PSMD11: variants seen among roughly 807,000 people sequenced by gnomAD.
PSMD11 encodes the protein proteasome 26S subunit, non-ATPase 11.
Under a neutral mutation model 62.3 loss-of-function variants are expected in PSMD11, and 5 were observed. That is an observed-to-expected ratio of 0.08 (90% CI 0.04 to 0.17). The LOEUF (loss-of-function observed/expected upper bound fraction) is 0.17, where lower values mean the gene tolerates loss of function less well. PSMD11 is among the 10% of genes least tolerant of loss of function. The pLI is 1.00. For missense variants in PSMD11, 310 were observed against 512.9 expected, an observed-to-expected ratio of 0.60 and a Z score of 3.82; for synonymous variants, 191 against 191.8, an observed-to-expected ratio of 1.00 and a Z score of 0.03.
intron 12 of PSMD11, 25 bp from the exon 13 acceptor site, chr17:32,480,464 T>C (rs1567859780): frequency 2.5e-6 from 4 of 1,613,956 alleles, no homozygotes; most frequent in Non-Finnish European, 2.5e-6. Flanking sequence ...ATCTTTTACC[T>C]GGGTTGCCCT....
At chr17:32,463,587 T>G (rs1907907124) in intron 3 of PSMD11, 1 of 159,576 alleles carries the variant, frequency 6.3e-6, no homozygotes, top group Admixed American at 5.9e-5. Context: ...AAAAGCCAGC[T>G]GGACCTTTTG....
intron 4 of PSMD11, 82 bp downstream of exon 4, chr17:32,464,202 G>A (rs747722268): frequency 8.2e-5 from 106 of 1,298,470 alleles, no homozygotes; most frequent in Admixed American, 5.7e-4. Flanking sequence ...CTTATCAAAA[G>A]TATCTTCAGC....
intron 5 of PSMD11, among the ~76,000 whole-genome samples, chr17:32,466,583 T>C (rs546220430): frequency 1.3e-5 from 2 of 152,344 alleles, no homozygotes; most frequent in South Asian, 4.1e-4. Flanking sequence ...TGGACACTTG[T>C]GTTGTTTCTA....
intron 5 of PSMD11, among the ~76,000 whole-genome samples, chr17:32,466,157 G>A (rs959533792): frequency 1.2e-4 from 18 of 152,120 alleles, no homozygotes; most frequent in Non-Finnish European, 2.6e-4. Context: ...CACCATGCCT[G>A]GCTAATTTTT....
chr17:32,474,254 T>A (rs1248654734), intron 7 of PSMD11, among the ~76,000 whole-genome samples: 1 of 152,152 alleles, frequency 6.6e-6, no homozygotes. Context: ...GGAAATAGCT[T>A]ACAGATCAGC....
intron 5 of PSMD11, among the ~76,000 whole-genome samples, chr17:32,468,177 T>C (rs755336703): frequency 2.6e-5 from 4 of 152,206 alleles, no homozygotes; most frequent in African/African-American, 4.8e-5. Flanking sequence ...TATATGTACA[T>C]TTTCTTTATT....
chr17:32,454,484 C>G lies in PSMD11; in HGVS notation c.194-11C>G, dbSNP rs1185545669. On this transcript the variant is annotated splice_polypyrimidine_tract_variant and intron_variant, in intron 2 of 13. Coordinates refer to ENST00000261712, the MANE Select transcript of PSMD11 (RefSeq NM_002815.4). ...ATGTTTACTCCTCTTTTTGAATTGC[C>G]TTTCCTACAGAGCTTGGAGGACTCC... is the stretch of plus-strand genomic sequence containing the variant. 6 of 1,608,692 alleles carry G rather than the reference C, an allele frequency of 3.7e-6. No individual in the cohort carries two copies. In the African/African-American group the frequency reaches 5.4e-5, roughly 14 times the overall value.
intron 5 of PSMD11, among the ~76,000 whole-genome samples, chr17:32,465,189 C>T (rs1353502613): frequency 1.3e-5 from 2 of 151,882 alleles, no homozygotes; most frequent in Admixed American, 1.3e-4. Context: ...AGTGTGATCT[C>T]AGCTCGCTGC....
chr17:32,475,260 A>G (rs1384568146), intron 8 of PSMD11, among the ~76,000 whole-genome samples: 1 of 151,376 alleles, frequency 6.6e-6, no homozygotes, highest in Non-Finnish European at 1.5e-5. Context: ...TTTGAGATTT[A>G]CTTCTGTGCT....
chr17:32,470,189 G>A (rs868595397), intron 6 of PSMD11, among the ~76,000 whole-genome samples: 6 of 151,824 alleles, frequency 4.0e-5, no homozygotes, highest in South Asian at 2.1e-4. Flanking sequence ...ACTTTTTGTA[G>A]AGATAGGGTT....
At position 32,481,916 on chromosome 17, in the gene PSMD11, A is replaced by C. The variant is rs1300290229; in HGVS notation, c.*1164A>C. The C allele has an allele frequency of 6.6e-6, 1 of 152,092 alleles. No homozygotes were observed. The highest frequency in any genetic ancestry group is 6.5e-5 in the Admixed American group (1 of 15,272). 9.4% of individuals were successfully genotyped at this position (152,092 alleles called of 1,614,324 possible). A position where few individuals can be genotyped will look rare whatever the true frequency, so the allele number is the denominator to read the frequency against. ...AACTCAAGTGGATGGGAAGTAGAGC[A>C]CTATGTGTCAGTATGCTTTGTTTTC... On this transcript the variant is annotated 3_prime_UTR_variant, in exon 14 of 14. Coordinates refer to ENST00000261712, the MANE Select transcript of PSMD11 (RefSeq NM_002815.4).
chr17:32,477,318 C>G (rs1033028134), intron 8 of PSMD11: 1 of 416,842 alleles, frequency 2.4e-6, no homozygotes, highest in Non-Finnish European at 4.2e-6. Flanking sequence ...TAAGTCATTT[C>G]AGGTTTCAAA....
rs1012591894 is a variant in PSMD11 at position 32,465,114 on chromosome 17, T to TTTA, written c.448+554_448+556dup. ...TTTTTTTAATCTATCTATCTATCTA[T>TTTA]TTATTATTATTATTATTATTTTTTG... On this transcript the variant is annotated intron_variant, in intron 5 of 13. Transcript: ENST00000261712. Among the ~76,000 whole-genome samples the TTTA allele has an allele frequency of 2.5e-3, 371 of 151,384 alleles. 1 individual carries two copies. The highest frequency in any genetic ancestry group is 7.5e-3 in the African/African-American group (311 of 41,306).
At chr17:32,449,596 A>G (rs1287987400) in intron 2 of PSMD11, among the ~76,000 whole-genome samples, 1 of 152,160 alleles carries the variant, frequency 6.6e-6, no homozygotes, top group African/African-American at 2.4e-5. Context: ...GTGACCTGAG[A>G]AGTTTAGAAG....
intron 2 of PSMD11, among the ~76,000 whole-genome samples, chr17:32,449,198 A>C (rs1907419527): frequency 6.6e-6 from 1 of 152,156 alleles, no homozygotes; most frequent in African/African-American, 2.4e-5. Context: ...TGAGCCCAGG[A>C]ATTTGAGACC....
At chr17:32,475,823 C>A (rs1332046321) in intron 8 of PSMD11, among the ~76,000 whole-genome samples, 1 of 151,526 alleles carries the variant, frequency 6.6e-6, no homozygotes. Context: ...AAACTCCTAA[C>A]CTCAAGTGAT....
At chr17:32,453,211 C>G (rs1386029280) in intron 2 of PSMD11, among the ~76,000 whole-genome samples, 2 of 152,040 alleles carry the variant, frequency 1.3e-5, no homozygotes, top group Non-Finnish European at 2.9e-5. Flanking sequence ...GAAATAAATG[C>G]AAAAGGAATT....
At chr17:32,454,975 T>G (rs1907608502) in intron 3 of PSMD11, 1 of 212,516 alleles carries the variant, frequency 4.7e-6, no homozygotes, top group African/African-American at 2.3e-5. Flanking sequence ...AGTCTTGTGG[T>G]ATTCCTTCTT....
At chr17:32,463,671 A>G (rs1363342200) in intron 3 of PSMD11, among the ~76,000 whole-genome samples, 2 of 152,222 alleles carry the variant, frequency 1.3e-5, no homozygotes, top group African/African-American at 2.4e-5. Context: ...TTACCTGTGT[A>G]TTATACATTA....
Sources: allele counts gnomAD v4.1 joint callset (sites outside exome capture counted in the v4.1 genomes callset), GRCh38; gene constraint gnomAD v4.1.1; transcripts MANE v1.5; gene names NCBI Gene and HGNC (gene_info 2026-07-23, HGNC 2026-07-21).